Variants in BRCA2 observed in about 807,000 individuals in gnomAD.
The protein encoded by BRCA2 is breast cancer type 2 susceptibility protein.
A neutral mutation model predicts 276.7 loss-of-function variants in BRCA2; 203 were observed. That is an observed-to-expected ratio of 0.73 (90% CI 0.65 to 0.82). BRCA2 has a LOEUF of 0.82. Ranked by LOEUF, BRCA2 falls within the 40% of genes least tolerant of loss-of-function variation. The pLI, the probability that BRCA2 is intolerant of heterozygous loss-of-function variation, is 0.00. For synonymous variants in BRCA2, 1,289 were observed against 1,338.4 expected (o/e 0.96, Z 0.81); for missense variants, 3,920 against 3,915.0 (o/e 1.00, Z -0.03).
intron 24 of BRCA2, among the ~76,000 whole-genome samples, chr13:32,381,539 G>T (rs1182060051): frequency 2.0e-5 from 3 of 152,126 alleles, no homozygotes; most frequent in African/African-American, 7.2e-5. Context: ...TACAAAGGCC[G>T]CAGTACAGCA....
chr13:32,393,804 T>G (rs765231631), intron 24 of BRCA2, among the ~76,000 whole-genome samples: 13 of 152,184 alleles, frequency 8.5e-5, no homozygotes, highest in Non-Finnish European at 1.3e-4. Flanking sequence ...TGGATTTGTT[T>G]GTTGGTTGGT....
intron 3 of BRCA2, 45 bp downstream of exon 3, chr13:32,319,370 A>G (rs1212176531): frequency 6.5e-7 from 1 of 1,544,304 alleles, no homozygotes; most frequent in Non-Finnish European, 8.9e-7. Flanking sequence ...ACAAACTAGG[A>G]ATTTAGGCAA....
chr13:32,324,029 T>G (rs2072325641), intron 3 of BRCA2, among the ~76,000 whole-genome samples: 1 of 152,240 alleles, frequency 6.6e-6, no homozygotes, highest in South Asian at 2.1e-4. Flanking sequence ...CTTTGTCTAA[T>G]TATATCCAAT....
chr13:32,380,556 C>A (rs1262440826), intron 24 of BRCA2, among the ~76,000 whole-genome samples: 8 of 109,762 alleles, frequency 7.3e-5, no homozygotes. Context: ...TTTTTTTTTC[C>A]CCGAGATGGA....
rs984677776 is a variant in BRCA2, at chr13:32,357,554, G to A, written c.7618-188G>A. 3.3e-5 allele frequency among the ~76,000 whole-genome samples: 5 copies of A among 152,146 alleles called. No individual in the cohort carries two copies. Among genetic ancestry groups the A allele is most frequent in the Admixed American group, 3.3e-4 (5 of 15,280 alleles). ...AGGTACAGCAGACTGTGGAATGTAT[G>A]GATCATTTATATTACATTAAAATTT... On this transcript the variant is annotated intron_variant, in intron 15 of 26. Coordinates refer to ENST00000380152, the MANE Select transcript of BRCA2 (RefSeq NM_000059.4).
chr13:32,394,450 A>G (rs1200152276), intron 24 of BRCA2, among the ~76,000 whole-genome samples: 1 of 152,246 alleles, frequency 6.6e-6, no homozygotes, highest in Non-Finnish European at 1.5e-5. Flanking sequence ...GTGTGCGTAT[A>G]CCTGCTTCCA....
chr13:32,348,227 TAC>T (rs1336958232), intron 13 of BRCA2, among the ~76,000 whole-genome samples: 1 of 151,856 alleles, frequency 6.6e-6, no homozygotes, highest in African/African-American at 2.4e-5. Flanking sequence ...CATCTGAAAA[TAC>T]AGAGTTTGAG....
chr13:32,333,634 G>T (rs1485057885), intron 10 of BRCA2, among the ~76,000 whole-genome samples: 1 of 152,068 alleles, frequency 6.6e-6, no homozygotes. Context: ...AAGTTCCGGG[G>T]TACATGTGCA....
chr13:32,360,736 T>G (rs2072732865), intron 16 of BRCA2, among the ~76,000 whole-genome samples: 1 of 152,158 alleles, frequency 6.6e-6, no homozygotes, highest in South Asian at 2.1e-4. Flanking sequence ...AGAGACCACT[T>G]AAGCTATTGC....
At chr13:32,333,655 G>T (rs941526112) in intron 10 of BRCA2, among the ~76,000 whole-genome samples, 1 of 152,064 alleles carries the variant, frequency 6.6e-6, no homozygotes, top group Non-Finnish European at 1.5e-5. Flanking sequence ...GGATGTGCAG[G>T]TTTGTTACAT....
At chr13:32,396,308 T>C (rs1452429138) in intron 25 of BRCA2, among the ~76,000 whole-genome samples, 1 of 152,168 alleles carries the variant, frequency 6.6e-6, no homozygotes, top group Non-Finnish European at 1.5e-5. Flanking sequence ...AGTTTACTAA[T>C]CCTGCTGAAG....
intron 24 of BRCA2, among the ~76,000 whole-genome samples, chr13:32,384,118 A>G (rs527746150): frequency 6.6e-6 from 1 of 152,300 alleles, no homozygotes; most frequent in Admixed American, 6.5e-5. Flanking sequence ...ACAGTAATGA[A>G]TGACAGTCTG....
intron 13 of BRCA2, among the ~76,000 whole-genome samples, chr13:32,351,583 A>G (rs1489064638): frequency 6.6e-6 from 1 of 152,218 alleles, no homozygotes; most frequent in Non-Finnish European, 1.5e-5. Flanking sequence ...GTGTGTGTGT[A>G]GTAAGGTAGA....
rs431825380 is a variant in BRCA2 at position 32,398,334 on chromosome 13, T to G, written c.9821T>G (p.Leu3274Trp). Residue 3274 changes from leucine to tryptophan, a missense_variant, in exon 27 of 27, where the codon TTG becomes TGG. Physicochemically the swap from Leu to Trp is moderately conservative, Grantham distance 61. Coordinates refer to ENST00000380152, the MANE Select transcript of BRCA2 (RefSeq NM_000059.4). ...NCKKRRALDF[L>W]SRLPLPPPVS... ...AAAAAGAGAAGAGCCTTGGATTTCT[T>G]GAGTAGACTGCCTTTACCTCCACCT... 8.1e-6 allele frequency: 13 copies of G among 1,614,062 alleles called. No homozygotes were observed. The highest frequency in any genetic ancestry group is 1.0e-5 in the Non-Finnish European group (12 of 1,180,036).
rs9534262 is a variant in BRCA2, at chr13:32,362,509, T to A, written c.7806-14T>A. ...TGTGGTTTTTATGATAATATTCTACTTTTATTTGTTCAGGGCTCTGTGTGA... is the reference window on the plus strand; with the variant it reads ...TGTGGTTTTTATGATAATATTCTACATTTATTTGTTCAGGGCTCTGTGTGA... On this transcript the variant is annotated splice_polypyrimidine_tract_variant and intron_variant, in intron 16 of 26. Transcript: ENST00000380152. 6.2e-7 allele frequency: 1 copy of A among 1,610,552 alleles called. No individual in the cohort carries two copies. Among genetic ancestry groups the A allele is most frequent in the Non-Finnish European group, 8.5e-7 (1 of 1,177,080 alleles).
rs80359249 is a variant in BRCA2 at position 32,398,418 on chromosome 13, G to A, written c.9905G>A (p.Arg3302Lys). The A allele has an allele frequency of 2.5e-6, 4 of 1,614,040 alleles. No homozygotes were observed. The highest frequency in any genetic ancestry group is 2.7e-5 in the African/African-American group (2 of 74,914). ...PAAQKAFQPP[R>K]SCGTKYETPI... The stretch of plus-strand genomic sequence containing the variant: ...GCACAGAAGGCATTTCAGCCACCAA[G>A]GAGTTGTGGCACCAAATACGAAACA... Residue 3302 changes from arginine to lysine, a missense_variant, in exon 27 of 27, where the codon AGG becomes AAG. By Grantham distance (26) the Arg-to-Lys change is conservative. This residue lies in a region of BRCA2 where 657 missense variants were observed against 758.2 expected (regional missense o/e 0.87). Coordinates refer to ENST00000380152, the MANE Select transcript of BRCA2 (RefSeq NM_000059.4).
intron 2 of BRCA2, 31 bp from the exon 3 acceptor site, chr13:32,319,045 TA>T: frequency 1.2e-6 from 2 of 1,610,190 alleles, no homozygotes; most frequent in Non-Finnish European, 1.7e-6. Context: ...TGTCACTGGT[TA>T]AAACTAAGGT....
chr13:32,374,911 A>T (rs2072860471), intron 20 of BRCA2, among the ~76,000 whole-genome samples: 1 of 152,246 alleles, frequency 6.6e-6, no homozygotes, highest in African/African-American at 2.4e-5. Flanking sequence ...GCTATAAAAA[A>T]TACCTGAGAC....
At chr13:32,378,889 C>A (rs1021473860) in intron 21 of BRCA2, among the ~76,000 whole-genome samples, 1 of 152,186 alleles carries the variant, frequency 6.6e-6, no homozygotes, top group Non-Finnish European at 1.5e-5. Context: ...CCAACCTCTA[C>A]TACCTATGTG....
Sources: gnomAD v4.1 joint callset for allele counts (sites outside exome capture counted in the v4.1 genomes callset) on GRCh38, gnomAD v4.1.1 for gene constraint, gnomAD v4.1.1 regional missense constraint, MANE v1.5 for transcripts, NCBI Gene and HGNC (gene_info 2026-07-23, HGNC 2026-07-21) for gene names.